The following TMEM117 variants were observed in gnomAD, a reference collection of about 807,000 sequenced individuals.
TMEM117 encodes the protein transmembrane protein 117.
TMEM117 carries 27 observed loss-of-function variants against 52.4 expected under a neutral mutation model. The ratio of observed to expected loss-of-function variants is 0.51; its 90% confidence interval spans 0.38 to 0.71. The LOEUF (loss-of-function observed/expected upper bound fraction) is 0.71, where lower values mean the gene tolerates loss of function less well. TMEM117 is among the 30% of genes least tolerant of loss of function. The pLI, the probability that TMEM117 is intolerant of heterozygous loss-of-function variation, is 0.00. For missense variants in TMEM117, 556 were observed against 630.5 expected (o/e 0.88, Z 1.26); for synonymous variants, 215 against 206.3 (o/e 1.04, Z -0.36).
intron 4 of TMEM117, among the ~76,000 whole-genome samples, chr12:44,170,010 C>T (rs1949022407): frequency 6.6e-6 from 1 of 152,052 alleles, no homozygotes; most frequent in African/African-American, 2.4e-5. Context: ...TTTATTGCAG[C>T]ACTATTCACA....
At chr12:43,903,946 A>G (rs962316527) in intron 2 of TMEM117, among the ~76,000 whole-genome samples, 1 of 152,080 alleles carries the variant, frequency 6.6e-6, no homozygotes, top group African/African-American at 2.4e-5. Flanking sequence ...TTCTTCCACA[A>G]AAAGAAACAA....
chr12:44,293,904 A>G (rs924833270), intron 5 of TMEM117, among the ~76,000 whole-genome samples: 2 of 152,128 alleles, frequency 1.3e-5, no homozygotes, highest in Non-Finnish European at 2.9e-5. Flanking sequence ...TTATACATTC[A>G]GATATTTTTA....
rs185691926 is a variant in TMEM117, at chr12:44,182,246, G to A, written c.511-29044G>A. ...CTGAAGTTGATTATCAGCTTATGGA[G>A]ATTTTGGGCTGAGACAATGGGTTTT... is the stretch of plus-strand genomic sequence containing the variant. On this transcript the variant is annotated intron_variant, in intron 4 of 7. Transcript: ENST00000266534. 8.5e-3 allele frequency among the ~76,000 whole-genome samples: 1,298 copies of A among 152,272 alleles called. 13 individuals are homozygous for A. Among genetic ancestry groups the A allele is most frequent in the African/African-American group, 0.03 (1,234 of 41,554 alleles).
chr12:44,268,755 A>T (rs1485763976), intron 5 of TMEM117, among the ~76,000 whole-genome samples: 1 of 152,148 alleles, frequency 6.6e-6, no homozygotes, highest in Admixed American at 6.6e-5. Context: ...TCTAATAAGT[A>T]TGAGCACTAT....
At chr12:43,943,616 T>A (rs2137613755) in intron 2 of TMEM117, among the ~76,000 whole-genome samples, 1 of 152,320 alleles carries the variant, frequency 6.6e-6, no homozygotes, top group East Asian at 1.9e-4. Context: ...CATTAACACA[T>A]ACATTGTCAC....
intron 3 of TMEM117, among the ~76,000 whole-genome samples, chr12:44,093,838 T>G (rs1486795249): frequency 6.7e-6 from 1 of 149,366 alleles, no homozygotes; most frequent in Non-Finnish European, 1.5e-5. Flanking sequence ...TAGCTGTGTG[T>G]TTCAGTGGCT....
At chr12:44,362,622 T>C (rs1337790329) in intron 6 of TMEM117, among the ~76,000 whole-genome samples, 2 of 151,308 alleles carry the variant, frequency 1.3e-5, no homozygotes, top group African/African-American at 2.4e-5. Flanking sequence ...TTAACTAGGA[T>C]AGCAAAACAA....
the TMEM117 span, among the ~76,000 whole-genome samples, chr12:43,814,692 A>G: frequency 6.6e-6 from 1 of 150,682 alleles, no homozygotes; most frequent in Admixed American, 6.6e-5. Flanking sequence ...CCAGTGTACA[A>G]TGCAGCAACC....
chr12:43,967,514 C>T (rs1473407087), intron 3 of TMEM117, among the ~76,000 whole-genome samples: 2 of 152,086 alleles, frequency 1.3e-5, no homozygotes, highest in Non-Finnish European at 2.9e-5. Flanking sequence ...AAGCAAGCTG[C>T]CACATTGTCT....
intron 4 of TMEM117, among the ~76,000 whole-genome samples, chr12:44,194,305 G>T (rs900497582): frequency 1.3e-5 from 2 of 152,134 alleles, no homozygotes; most frequent in African/African-American, 4.8e-5. Context: ...AAGTCAAATG[G>T]AACTGAAATT....
intron 6 of TMEM117, among the ~76,000 whole-genome samples, chr12:44,345,670 A>C (rs921225887): frequency 2.6e-5 from 4 of 152,142 alleles, no homozygotes; most frequent in African/African-American, 9.6e-5. Flanking sequence ...AAATCCGTGG[A>C]GATTAAGTTA....
chr12:44,087,478 T>G (rs1947590678), intron 3 of TMEM117, among the ~76,000 whole-genome samples: 1 of 149,162 alleles, frequency 6.7e-6, no homozygotes, highest in Non-Finnish European at 1.5e-5. Flanking sequence ...GTATGTATAT[T>G]GAGACAGAGT....
intron 3 of TMEM117, among the ~76,000 whole-genome samples, chr12:43,998,414 C>A (rs1301242248): frequency 2.0e-5 from 3 of 152,098 alleles, no homozygotes; most frequent in Non-Finnish European, 4.4e-5. Flanking sequence ...ATATTTGAGT[C>A]CTGGTTTTGG....
At chr12:44,079,433 T>C (rs1198428066) in intron 3 of TMEM117, among the ~76,000 whole-genome samples, 1 of 152,176 alleles carries the variant, frequency 6.6e-6, no homozygotes, top group African/African-American at 2.4e-5. Flanking sequence ...TATCTCATTG[T>C]GGTTTTGATT....
At chr12:44,026,839 A>T (rs913991359) in intron 3 of TMEM117, among the ~76,000 whole-genome samples, 1 of 151,988 alleles carries the variant, frequency 6.6e-6, no homozygotes, top group Non-Finnish European at 1.5e-5. Flanking sequence ...ATATCCTTAA[A>T]TAGTTGTGTT....
intron 3 of TMEM117, among the ~76,000 whole-genome samples, chr12:43,968,358 C>A (rs1945519698): frequency 6.6e-6 from 1 of 152,136 alleles, no homozygotes; most frequent in African/African-American, 2.4e-5. Context: ...GCACATGGCA[C>A]CCAAGTGGAA....
At chr12:43,818,364 C>G in the TMEM117 span, among the ~76,000 whole-genome samples, 2 of 151,880 alleles carry the variant, frequency 1.3e-5, no homozygotes, top group African/African-American at 4.8e-5. Context: ...TCTGCTCCCC[C>G]CACTCCCACA....
intron 6 of TMEM117, among the ~76,000 whole-genome samples, chr12:44,336,468 C>G (rs1011499780): frequency 6.6e-6 from 1 of 151,906 alleles, no homozygotes; most frequent in Non-Finnish European, 1.5e-5. Flanking sequence ...ACATGTCTAA[C>G]CCATTCAGTT....
chr12:44,211,995 C>T (rs1476346635), intron 5 of TMEM117, among the ~76,000 whole-genome samples: 1 of 152,104 alleles, frequency 6.6e-6, no homozygotes, highest in East Asian at 1.9e-4. Flanking sequence ...GGGACACTCC[C>T]CAAGCACAAT....
Sources: allele counts gnomAD v4.1 joint callset (sites outside exome capture counted in the v4.1 genomes callset), GRCh38; gene constraint gnomAD v4.1.1; transcripts MANE v1.5; gene names NCBI Gene and HGNC (gene_info 2026-07-23, HGNC 2026-07-21).